DLG2: variants seen among roughly 807,000 people sequenced by gnomAD.
DLG2 encodes the protein discs large MAGUK scaffold protein 2, also known as disks large homolog 2.
DLG2 carries 45 observed loss-of-function variants against 132.5 expected under a neutral mutation model. The observed-to-expected ratio is 0.34, with a 90% confidence interval of 0.27 to 0.44. The LOEUF (loss-of-function observed/expected upper bound fraction) is 0.44, where lower values mean the gene tolerates loss of function less well. DLG2 is among the 20% of genes least tolerant of loss of function. DLG2 has a pLI of 1.00. For synonymous variants in DLG2, 424 were observed against 419.6 expected (o/e 1.01, Z -0.13); for missense variants, 1,045 against 1,196.9 (o/e 0.87, Z 1.87).
chr11:84,450,973 C>T (rs919949262), intron 7 of DLG2, among the ~76,000 whole-genome samples: 3 of 151,908 alleles, frequency 2.0e-5, no homozygotes, highest in South Asian at 4.2e-4. Context: ...CAAACCTCAG[C>T]ATCACGCAAT....
chr11:84,503,589 C>A (rs1229903663), intron 7 of DLG2, among the ~76,000 whole-genome samples: 1 of 152,106 alleles, frequency 6.6e-6, no homozygotes, highest in African/African-American at 2.4e-5. Context: ...AGTTGAGAGA[C>A]CTCTGTGGCC....
intron 11 of DLG2, among the ~76,000 whole-genome samples, chr11:84,034,025 G>A (rs973741766): frequency 1.3e-5 from 2 of 152,140 alleles, no homozygotes; most frequent in Non-Finnish European, 1.5e-5. Context: ...AGGTTGCGGT[G>A]AGCCAAGATC....
At chr11:85,428,684 T>G in intron 3 of DLG2, among the ~76,000 whole-genome samples, 1 of 152,154 alleles carries the variant, frequency 6.6e-6, no homozygotes, top group East Asian at 1.9e-4. Flanking sequence ...AGGAAAGATC[T>G]AAAATTGACA....
chr11:83,666,721 T>C (rs573062010), intron 18 of DLG2, among the ~76,000 whole-genome samples: 3 of 152,268 alleles, frequency 2.0e-5, no homozygotes, highest in South Asian at 2.1e-4. Flanking sequence ...GTGATCCTTG[T>C]ACCAAGCACA....
intron 6 of DLG2, among the ~76,000 whole-genome samples, chr11:84,858,915 G>A (rs1044478555): frequency 2.0e-5 from 3 of 152,048 alleles, no homozygotes; most frequent in Non-Finnish European, 4.4e-5. Flanking sequence ...AGTAGAAAGA[G>A]GAGAGGAAGC....
intron 6 of DLG2, among the ~76,000 whole-genome samples, chr11:84,628,498 A>G (rs532980251): frequency 1.3e-5 from 2 of 152,320 alleles, no homozygotes; most frequent in African/African-American, 2.4e-5. Flanking sequence ...TTACATACCA[A>G]TCTTGACTCT....
intron 21 of DLG2, among the ~76,000 whole-genome samples, chr11:83,492,213 A>C (rs776595819): frequency 5.3e-5 from 8 of 152,152 alleles, no homozygotes; most frequent in Middle Eastern, 6.8e-3. Flanking sequence ...CTCAGGTCTC[A>C]TCTTACTCTG....
intron 7 of DLG2, among the ~76,000 whole-genome samples, chr11:84,288,090 C>G (rs1372816576): frequency 6.6e-6 from 1 of 151,894 alleles, no homozygotes; most frequent in African/African-American, 2.4e-5. Flanking sequence ...ATTCACTTCA[C>G]TAAATTGATA....
chr11:83,649,792 T>C lies in DLG2; in HGVS notation c.1826-16467A>G, dbSNP rs139501917. 5.3e-5 allele frequency among the ~76,000 whole-genome samples: 8 copies of C among 152,256 alleles called. No homozygotes were observed. The East Asian group carries it at 1.5e-3, about 29-fold the overall frequency. ...GGAAGGGAGGCATAAGGGAATTTCT[T>C]TCCCCTCTCTGTTTCAGGTGGCATT... On this transcript the variant is annotated intron_variant, in intron 18 of 27. Coordinates refer to ENST00000376104, the MANE Select transcript of DLG2 (RefSeq NM_001142699.3).
At chr11:85,410,610 C>T (rs1358282084) in intron 3 of DLG2, among the ~76,000 whole-genome samples, 1 of 151,714 alleles carries the variant, frequency 6.6e-6, no homozygotes, top group East Asian at 1.9e-4. Flanking sequence ...AACTGTATAC[C>T]AGTGGGTCCG....
intron 6 of DLG2, among the ~76,000 whole-genome samples, chr11:85,035,349 A>G (rs936036994): frequency 1.3e-5 from 2 of 152,216 alleles, no homozygotes; most frequent in African/African-American, 2.4e-5. Flanking sequence ...AGAATACCTG[A>G]GACTAGGTAA....
At chr11:83,471,596 T>C (rs2092033865) in intron 24 of DLG2, 30 bp downstream of exon 24, 1 of 1,534,048 alleles carries the variant, frequency 6.5e-7, no homozygotes. Context: ...TCTTTTTGTT[T>C]TTCCTAGAGG....
chr11:85,603,428 C>T (rs896390648), intron 2 of DLG2, among the ~76,000 whole-genome samples: 2 of 152,120 alleles, frequency 1.3e-5, no homozygotes, highest in Non-Finnish European at 2.9e-5. Flanking sequence ...ACGTGATTAC[C>T]TCTAGTGCCC....
At chr11:83,484,339 G>A (rs2093357234) in intron 21 of DLG2, 111 bp from the exon 22 acceptor site, 1 of 750,032 alleles carries the variant, frequency 1.3e-6, no homozygotes, top group Admixed American at 2.5e-5. Flanking sequence ...AGTGACGCAA[G>A]TGGATAATTC....
At chr11:84,623,312 C>G (rs2099617052) in intron 6 of DLG2, among the ~76,000 whole-genome samples, 1 of 152,132 alleles carries the variant, frequency 6.6e-6, no homozygotes, top group South Asian at 2.1e-4. Flanking sequence ...CTCCCCGACA[C>G]AAACTTGCTC....
At chr11:83,978,311 T>C (rs1004744284) in intron 12 of DLG2, among the ~76,000 whole-genome samples, 1 of 152,006 alleles carries the variant, frequency 6.6e-6, no homozygotes, top group Non-Finnish European at 1.5e-5. Context: ...CAAACTCATA[T>C]GGAACCGTGA....
chr11:85,544,582 C>A (rs1436598489), intron 3 of DLG2, among the ~76,000 whole-genome samples: 1 of 152,132 alleles, frequency 6.6e-6, no homozygotes, highest in Non-Finnish European at 1.5e-5. Context: ...TTACTTTGGG[C>A]AGTATGGCCA....
chr11:84,471,972 A>AG (rs2099109622), intron 7 of DLG2, among the ~76,000 whole-genome samples: 1 of 151,776 alleles, frequency 6.6e-6, no homozygotes, highest in South Asian at 2.1e-4. Flanking sequence ...GGAAAAAAAA[A>AG]GAAAGATAAA....
chr11:84,557,892 C>A (rs911784408), intron 6 of DLG2, among the ~76,000 whole-genome samples: 1 of 152,070 alleles, frequency 6.6e-6, no homozygotes, highest in African/African-American at 2.4e-5. Context: ...GATCTTACTA[C>A]AAAGTAGTTG....
Sources: gnomAD v4.1 joint callset for allele counts (sites outside exome capture counted in the v4.1 genomes callset) on GRCh38, gnomAD v4.1.1 for gene constraint, MANE v1.5 for transcripts, NCBI Gene and HGNC (gene_info 2026-07-23, HGNC 2026-07-21) for gene names.